The following GLI2 variants were observed in gnomAD, a reference collection of about 807,000 sequenced individuals.
GLI2 encodes the protein GLI family zinc finger 2, also known as transcription activator GLI2.
A neutral mutation model predicts 78.9 loss-of-function variants in GLI2; 22 were observed. That is an observed-to-expected ratio of 0.28 (90% CI 0.20 to 0.40). The LOEUF (loss-of-function observed/expected upper bound fraction) is 0.40, where lower values mean the gene tolerates loss of function less well. Ranked by LOEUF, GLI2 falls within the 10% of genes least tolerant of loss-of-function variation. The pLI, the probability that GLI2 is intolerant of heterozygous loss-of-function variation, is 1.00. For synonymous variants in GLI2, 974 were observed against 963.7 expected, an observed-to-expected ratio of 1.01 and a Z score of -0.20; for missense variants, 2,097 against 2,213.2, an observed-to-expected ratio of 0.95 and a Z score of 1.05.
chr2:120,852,117 T>TG (rs1439459360), intron 2 of GLI2, among the ~76,000 whole-genome samples: 1 of 151,968 alleles, frequency 6.6e-6, no homozygotes. Context: ...CCAGAGTGAG[T>TG]GGGGAAGGCC....
rs193158355 is a variant in GLI2, at chr2:120,950,032, C to T, written c.255-1211C>T. 1.3e-3 allele frequency among the ~76,000 whole-genome samples: 200 copies of T among 152,326 alleles called. 1 individual carries two copies. Among genetic ancestry groups the T allele is most frequent in the Middle Eastern group, 6.8e-3 (2 of 294 alleles). ...CCTCCCGGGCAATGCTAGGTTAGCCCTCAAAGTGTGGTTCTAACCCTCTAA... is the reference window on the plus strand; with the variant it reads ...CCTCCCGGGCAATGCTAGGTTAGCCTTCAAAGTGTGGTTCTAACCCTCTAA... On this transcript the variant is annotated intron_variant, in intron 3 of 13. Coordinates refer to ENST00000361492, the MANE Select transcript of GLI2 (RefSeq NM_001374353.1).
At chr2:120,826,523 G>A (rs528868930) in intron 2 of GLI2, among the ~76,000 whole-genome samples, 54 of 152,324 alleles carry the variant, frequency 3.5e-4, no homozygotes, top group African/African-American at 1.0e-3. Context: ...GGTCCCCTCC[G>A]TGTGGGACCT....
chr2:120,740,581 G>A (rs1008166111), intron 1 of GLI2, among the ~76,000 whole-genome samples: 6 of 152,196 alleles, frequency 3.9e-5, no homozygotes, highest in African/African-American at 1.2e-4. Flanking sequence ...CCGCAAAAGG[G>A]TGATGGTCCA....
At chr2:120,831,215 C>T (rs148391795) in intron 2 of GLI2, among the ~76,000 whole-genome samples, 7 of 152,282 alleles carry the variant, frequency 4.6e-5, no homozygotes, top group South Asian at 2.1e-4. Flanking sequence ...GGCCCTGTCC[C>T]GATGCCTGGC....
chr2:120,808,791 G>A (rs886963718), intron 2 of GLI2, among the ~76,000 whole-genome samples: 2 of 152,188 alleles, frequency 1.3e-5, no homozygotes, highest in African/African-American at 4.8e-5. Context: ...ACTCTGTAGT[G>A]CAGGGTGGCC....
At chr2:120,736,753 C>G (rs1445657402) in intron 1 of GLI2, among the ~76,000 whole-genome samples, 1 of 152,014 alleles carries the variant, frequency 6.6e-6, no homozygotes. Flanking sequence ...TTGAGAACTT[C>G]GAACTCCACT....
At chr2:120,768,802 T>TGG (rs1683442071) in intron 1 of GLI2, among the ~76,000 whole-genome samples, 1 of 114,792 alleles carries the variant, frequency 8.7e-6, no homozygotes, top group African/African-American at 5.2e-5. Flanking sequence ...CCCGCCCCTG[T>TGG]GTGTGTGTGT....
chr2:120,902,849 G>A (rs1678335111), intron 2 of GLI2, among the ~76,000 whole-genome samples: 1 of 152,172 alleles, frequency 6.6e-6, no homozygotes, highest in African/African-American at 2.4e-5. Context: ...GCTTCTTTAG[G>A]CTCCCAAGGA....
chr2:120,938,442 G>A (rs1232830686), intron 3 of GLI2, among the ~76,000 whole-genome samples: 3 of 152,208 alleles, frequency 2.0e-5, no homozygotes, highest in Non-Finnish European at 4.4e-5. Flanking sequence ...AACTGTTGTG[G>A]ACCACGTGGC....
intron 2 of GLI2, among the ~76,000 whole-genome samples, chr2:120,838,205 A>G (rs1035460724): frequency 6.6e-6 from 1 of 152,092 alleles, no homozygotes; most frequent in Non-Finnish European, 1.5e-5. Context: ...TGTTACATTT[A>G]TTCATAAGTA....
intron 1 of GLI2, among the ~76,000 whole-genome samples, chr2:120,763,664 C>T (rs920584010): frequency 6.6e-6 from 1 of 152,214 alleles, no homozygotes; most frequent in Non-Finnish European, 1.5e-5. Context: ...CTGCCTTCTA[C>T]TCACAGCCCT....
chr2:120,931,238 A>G (rs1420667872), intron 3 of GLI2, among the ~76,000 whole-genome samples: 2 of 152,182 alleles, frequency 1.3e-5, no homozygotes, highest in African/African-American at 4.8e-5. Context: ...TGACATTTCT[A>G]GGTTCTGGAG....
In GLI2 at chr2:120,880,388, A is replaced by G. The variant is rs141496041; in HGVS notation, c.149-46973A>G. Among the ~76,000 whole-genome samples, 305 of 152,272 alleles carry G rather than the reference A, an allele frequency of 2.0e-3. 1 individual carries two copies. Among genetic ancestry groups the G allele is most frequent in the African/African-American group, 6.9e-3 (286 of 41,566 alleles). ...GCAAGAGGGCTGATTAAATTCATCC[A>G]TCTTCCCCACCGAAGTCCAGCCTCT... On this transcript the variant is annotated intron_variant, in intron 2 of 13. Coordinates refer to ENST00000361492, the MANE Select transcript of GLI2 (RefSeq NM_001374353.1).
Position 120,989,049 on chromosome 2 carries a change from C to T in GLI2, c.3084C>T (p.Asp1028=), listed in dbSNP as rs571821926. Reference sequence around the variant, plus strand: ...TGGAGGCCGTGGCGGCAGGAGTGGACGGCGCGGGGCCCGAGGCCGACCTGG... The same window carrying T: ...TGGAGGCCGTGGCGGCAGGAGTGGATGGCGCGGGGCCCGAGGCCGACCTGG... ...VAMEAVAAGV[D]GAGPEADLGL... is the part of the protein sequence containing the mutation. The change falls in exon 14 of 14, where the codon GAC becomes GAT. Residue 1028 remains aspartate, a synonymous_variant. Coordinates refer to ENST00000361492, the MANE Select transcript of GLI2 (RefSeq NM_001374353.1). 1.1e-5 allele frequency: 17 copies of T among 1,607,632 alleles called. No homozygotes were observed. In the East Asian group the frequency reaches 2.2e-4, roughly 21 times the overall value.
intron 3 of GLI2, among the ~76,000 whole-genome samples, chr2:120,945,836 T>A (rs550746326): frequency 1.3e-5 from 2 of 152,166 alleles, no homozygotes; most frequent in South Asian, 4.2e-4. Flanking sequence ...ATGGAATACA[T>A]TGATCACCTG....
Position 120,988,701 on chromosome 2 carries a change from C to T in GLI2, c.2736C>T (p.Ala912=), listed in dbSNP as rs1573739245. The T allele has an allele frequency of 1.6e-6, 2 of 1,244,080 alleles. No homozygotes were observed. The highest frequency in any genetic ancestry group is 1.0e-6 in the Non-Finnish European group (1 of 987,842). The allele number at this position is 1,244,080 out of a possible 1,614,324, so 77.1% of individuals were successfully genotyped here. A position where few individuals can be genotyped will look rare whatever the true frequency, so the allele number is the denominator to read the frequency against. The part of the protein sequence containing the change: ...LLDAPERTLP[A]GCPRPLGPRR... ...ACGCGCCCGAGCGCACGCTGCCCGCCGGCTGCCCACGCCCACTGGGGCCGC... is the reference window on the plus strand; with the variant it reads ...ACGCGCCCGAGCGCACGCTGCCCGCTGGCTGCCCACGCCCACTGGGGCCGC... Residue 912 remains alanine, a synonymous_variant, in exon 14 of 14, where the codon GCC becomes GCT. Transcript: ENST00000361492.
chr2:120,988,077 C>T (rs1226772422), intron 13 of GLI2, 131 bp from the exon 14 acceptor site: 2 of 714,086 alleles, frequency 2.8e-6, no homozygotes, highest in Non-Finnish European at 4.4e-6. Context: ...AGAAAGAAAG[C>T]ATGCATCTCC....
chr2:120,887,295 C>T (rs780699625), intron 2 of GLI2, among the ~76,000 whole-genome samples: 4 of 152,224 alleles, frequency 2.6e-5, no homozygotes, highest in African/African-American at 7.2e-5. Flanking sequence ...GCAGCTCAGG[C>T]GACCTGGGAA....
rs142316492 is a variant in GLI2 at position 120,849,618 on chromosome 2, A to G, written c.148+52150A>G. On this transcript the variant is annotated intron_variant, in intron 2 of 13. Coordinates refer to ENST00000361492, the MANE Select transcript of GLI2 (RefSeq NM_001374353.1). ...GTCTCCCTATGGAATTGCTAAAGCT[A>G]CCATTGGACAAGCCCCACTCATCTA... Among the ~76,000 whole-genome samples the G allele has an allele frequency of 2.6e-5, 4 of 152,320 alleles. No homozygotes were observed. In the East Asian group the frequency reaches 7.7e-4, roughly 29 times the overall value.
Sources: gnomAD v4.1 joint callset for allele counts (sites outside exome capture counted in the v4.1 genomes callset) on GRCh38, gnomAD v4.1.1 for gene constraint, MANE v1.5 for transcripts, NCBI Gene and HGNC (gene_info 2026-07-23, HGNC 2026-07-21) for gene names.